Variants in SETD3 observed in about 807,000 individuals in gnomAD.
SETD3 encodes SET domain containing 3, actin N3(tau)-histidine methyltransferase.
SETD3 carries 19 observed loss-of-function variants against 63.0 expected under a neutral mutation model. The observed-to-expected ratio is 0.30, with a 90% CI of 0.21 to 0.44. The LOEUF (loss-of-function observed/expected upper bound fraction) is 0.44, where lower values mean the gene tolerates loss of function less well. Among genes scored for constraint, SETD3 ranks in the 20% least tolerant of loss-of-function variants. SETD3 has a pLI of 1.00. For missense variants in SETD3, 587 were observed against 728.5 expected (o/e 0.81, Z 2.24); for synonymous variants, 286 against 264.1 (o/e 1.08, Z -0.80).
intron 6 of SETD3, among the ~76,000 whole-genome samples, chr14:99,428,514 C>T (rs1016727390): frequency 1.3e-5 from 2 of 152,068 alleles, no homozygotes; most frequent in African/African-American, 4.8e-5. Context: ...GGTGTGGTGG[C>T]ACACACCTGT....
chr14:99,434,866 A>C (rs1422684860), intron 6 of SETD3, among the ~76,000 whole-genome samples: 2 of 150,562 alleles, frequency 1.3e-5, no homozygotes, highest in African/African-American at 2.4e-5. Flanking sequence ...AAAAAAAAAA[A>C]AAAAAAAAAA....
At chr14:99,457,303 T>C (rs1316802233) in intron 6 of SETD3, among the ~76,000 whole-genome samples, 1 of 152,244 alleles carries the variant, frequency 6.6e-6, no homozygotes, top group African/African-American at 2.4e-5. Context: ...ACAACAGTCA[T>C]GTATAATTTT....
rs544220763 is a variant in SETD3 at position 99,412,434 on chromosome 14, A to G, written c.849+517T>C. 3.5e-4 allele frequency: 53 copies of G among 153,340 alleles called. No individual in the cohort carries two copies. In the South Asian group the frequency reaches 0.01, roughly 30 times the overall value. The allele number at this position is 153,340 out of a possible 1,614,324, so 9.5% of individuals were successfully genotyped here. On this transcript the variant is annotated intron_variant, in intron 8 of 12. Coordinates refer to ENST00000331768, the MANE Select transcript of SETD3 (RefSeq NM_032233.3). The stretch of plus-strand genomic sequence containing the variant: ...GCACCAGGGAAAGCAAGTAACAAAC[A>G]CAGGTTCATAAACATGGCCAGGGAT...
chr14:99,420,225 A>G (rs1184607854), intron 6 of SETD3, among the ~76,000 whole-genome samples: 1 of 152,022 alleles, frequency 6.6e-6, no homozygotes, highest in Non-Finnish European at 1.5e-5. Context: ...CCATTTGATT[A>G]GCATCTCTTC....
upstream of SETD3, among the ~76,000 whole-genome samples, chr14:99,484,313 C>T (rs1372970382): frequency 2.0e-5 from 3 of 152,218 alleles, no homozygotes; most frequent in African/African-American, 4.8e-5. Flanking sequence ...CATGCTGCAA[C>T]GCAGCAGACA....
At chr14:99,419,700 G>A (rs956595269) in intron 6 of SETD3, among the ~76,000 whole-genome samples, 6 of 150,712 alleles carry the variant, frequency 4.0e-5, no homozygotes, top group Admixed American at 1.3e-4. Flanking sequence ...GCGTGAACCC[G>A]GGAGGCGGAG....
At chr14:99,429,990 C>T (rs943912212) in intron 6 of SETD3, among the ~76,000 whole-genome samples, 8 of 152,178 alleles carry the variant, frequency 5.3e-5, no homozygotes, top group Non-Finnish European at 1.0e-4. Flanking sequence ...GCAGTCACTA[C>T]CCCCAGCCAT....
chr14:99,429,554 T>C (rs1313082413), intron 6 of SETD3, among the ~76,000 whole-genome samples: 1 of 152,246 alleles, frequency 6.6e-6, no homozygotes, highest in Non-Finnish European at 1.5e-5. Flanking sequence ...TTGTCATTAA[T>C]ATGGTTATAC....
intron 1 of SETD3, among the ~76,000 whole-genome samples, chr14:99,468,258 C>A (rs553051591): frequency 6.6e-6 from 1 of 152,154 alleles, no homozygotes; most frequent in African/African-American, 2.4e-5. Flanking sequence ...GCCACTCAGC[C>A]CACACCTAGG....
chr14:99,478,445 C>A (rs1290740772), intron 1 of SETD3, among the ~76,000 whole-genome samples: 2 of 152,200 alleles, frequency 1.3e-5, no homozygotes, highest in African/African-American at 4.8e-5. Flanking sequence ...ATTCATCCAA[C>A]TACACAAAAG....
intron 1 of SETD3, among the ~76,000 whole-genome samples, chr14:99,470,268 G>A (rs766948168): frequency 3.9e-5 from 6 of 152,088 alleles, no homozygotes; most frequent in Non-Finnish European, 7.4e-5. Context: ...CAACCCTCAC[G>A]CCCAACAAAG....
In SETD3 at chr14:99,398,554, T is replaced by G; in HGVS notation, c.*125A>C. 1.1e-6 allele frequency: 1 copy of G among 933,022 alleles called. No individual in the cohort carries two copies. Among genetic ancestry groups the G allele is most frequent in the Non-Finnish European group, 1.6e-6 (1 of 629,734 alleles). The allele number at this position is 933,022 out of a possible 1,614,324, so 57.8% of individuals were successfully genotyped here. On this transcript the variant is annotated 3_prime_UTR_variant, in exon 13 of 13. Transcript: ENST00000331768. ...ATAACTTAAAAAAACCATTTTTATATAAAGCAGCAAAAACATATCTTCCTC... is the reference window on the plus strand; with the variant it reads ...ATAACTTAAAAAAACCATTTTTATAGAAAGCAGCAAAAACATATCTTCCTC...
intron 6 of SETD3, among the ~76,000 whole-genome samples, chr14:99,445,182 A>T (rs148302259): frequency 4.9e-4 from 75 of 152,356 alleles, no homozygotes; most frequent in East Asian, 4.2e-3. Context: ...AATTCGAAGA[A>T]ATCAGGAAGA....
upstream of SETD3, among the ~76,000 whole-genome samples, chr14:99,482,808 G>A (rs1238403313): frequency 1.3e-5 from 2 of 152,162 alleles, no homozygotes; most frequent in Non-Finnish European, 2.9e-5. Flanking sequence ...CATAGCTGTG[G>A]CCTATAAAAT....
intron 1 of SETD3, among the ~76,000 whole-genome samples, chr14:99,470,753 T>C (rs1419514874): frequency 1.3e-5 from 2 of 152,200 alleles, no homozygotes; most frequent in African/African-American, 4.8e-5. Context: ...AAGATTCCTT[T>C]GTCTCTGGGT....
intron 11 of SETD3, among the ~76,000 whole-genome samples, chr14:99,403,865 C>G (rs1891537075): frequency 6.6e-6 from 1 of 152,186 alleles, no homozygotes; most frequent in Admixed American, 6.5e-5. Context: ...TCAACTGATC[C>G]TGAACTGCTC....
chr14:99,433,606 T>C (rs1566705164), intron 6 of SETD3, among the ~76,000 whole-genome samples: 1 of 152,076 alleles, frequency 6.6e-6, no homozygotes, highest in Non-Finnish European at 1.5e-5. Context: ...CCCAGCTGAT[T>C]TTTTGTATTT....
chr14:99,440,016 C>T (rs1893710441), intron 6 of SETD3, among the ~76,000 whole-genome samples: 1 of 151,698 alleles, frequency 6.6e-6, no homozygotes, highest in African/African-American at 2.4e-5. Context: ...ACCATGTTAC[C>T]CAGGCTGGTC....
upstream of SETD3, chr14:99,481,377 T>C (rs1410342394): frequency 5.0e-6 from 2 of 398,232 alleles, no homozygotes; most frequent in East Asian, 7.1e-5. Context: ...CTTGGTGGCG[T>C]CTCAGGACGC....
Sources: allele counts gnomAD v4.1 joint callset (sites outside exome capture counted in the v4.1 genomes callset), GRCh38; gene constraint gnomAD v4.1.1; transcripts MANE v1.5; gene names NCBI Gene and HGNC (gene_info 2026-07-23, HGNC 2026-07-21).